Variants in SLC17A5 observed in about 807,000 individuals in gnomAD.
SLC17A5 encodes the protein solute carrier family 17 member 5.
A neutral mutation model predicts 59.4 loss-of-function variants in SLC17A5; 47 were observed. The observed-to-expected ratio is 0.79, with a 90% CI of 0.63 to 1.01. The LOEUF is 1.01. Among genes scored for constraint, SLC17A5 ranks in the 50% least tolerant of loss-of-function variants. The pLI, the probability that SLC17A5 is intolerant of heterozygous loss-of-function variation, is 0.00. For synonymous variants in SLC17A5, 202 were observed against 210.7 expected (o/e 0.96, Z 0.36); for missense variants, 522 against 595.5 (o/e 0.88, Z 1.28).
At chr6:73,604,563 G>T (rs574048414) in intron 9 of SLC17A5, among the ~76,000 whole-genome samples, 4 of 152,100 alleles carry the variant, frequency 2.6e-5, no homozygotes, top group Non-Finnish European at 4.4e-5. Context: ...GGGCAACATG[G>T]TGAAACCCTC....
intron 7 of SLC17A5, among the ~76,000 whole-genome samples, chr6:73,617,576 G>T (rs952903381): frequency 6.6e-6 from 1 of 152,218 alleles, no homozygotes; most frequent in African/African-American, 2.4e-5. Flanking sequence ...AGGCACGGTG[G>T]CTCATGCCTG....
At chr6:73,630,338 T>C (rs1030619577) in intron 6 of SLC17A5, among the ~76,000 whole-genome samples, 5 of 152,178 alleles carry the variant, frequency 3.3e-5, no homozygotes, top group East Asian at 1.9e-4. Flanking sequence ...GAACTATATA[T>C]GCTATCATAA....
At chr6:73,648,568 C>T (rs1001663771) in intron 1 of SLC17A5, among the ~76,000 whole-genome samples, 3 of 152,212 alleles carry the variant, frequency 2.0e-5, no homozygotes, top group Non-Finnish European at 4.4e-5. Flanking sequence ...AGACCACCAT[C>T]TACCCACTGG....
At chr6:73,653,124 G>GA (rs3839494) in intron 1 of SLC17A5, 70 of 985,174 alleles carry the variant, frequency 7.1e-5, no homozygotes, top group East Asian at 3.4e-4. Context: ...CTGCCAGACG[G>GA]AAAAAAAATG....
chr6:73,653,510 G>A (rs1265348369), intron 1 of SLC17A5: 6 of 637,076 alleles, frequency 9.4e-6, no homozygotes, highest in South Asian at 1.5e-4. Context: ...CCCCGCCCCC[G>A]CCCCCGCCCC....
At chr6:73,626,647 C>T (rs548459251) in intron 6 of SLC17A5, among the ~76,000 whole-genome samples, 1 of 152,316 alleles carries the variant, frequency 6.6e-6, no homozygotes, top group Admixed American at 6.5e-5. Flanking sequence ...TTTATATGCA[C>T]ATTGTCCACA....
At chr6:73,620,393 A>G (rs556407296) in intron 7 of SLC17A5, among the ~76,000 whole-genome samples, 5 of 152,314 alleles carry the variant, frequency 3.3e-5, no homozygotes, top group African/African-American at 4.8e-5. Context: ...GTAGTAGTAG[A>G]TTATAATCAG....
intron 8 of SLC17A5, among the ~76,000 whole-genome samples, chr6:73,614,116 A>T (rs1380422632): frequency 6.6e-6 from 1 of 152,158 alleles, no homozygotes; most frequent in Non-Finnish European, 1.5e-5. Flanking sequence ...AAATTAAAAA[A>T]TTAGCTGGGT....
intron 8 of SLC17A5, 113 bp from the exon 9 acceptor site, chr6:73,610,660 A>G: frequency 8.6e-7 from 1 of 1,160,950 alleles, no homozygotes; most frequent in Non-Finnish European, 1.2e-6. Flanking sequence ...TAGAAACACT[A>G]TATTGCCTGG....
chr6:73,601,489 C>T (rs1401153395), intron 9 of SLC17A5, among the ~76,000 whole-genome samples: 2 of 135,528 alleles, frequency 1.5e-5, no homozygotes, highest in Non-Finnish European at 3.2e-5. Flanking sequence ...CCTGGCCAGC[C>T]GCCCCGTCCG....
At chr6:73,608,683 A>G (rs894273284) in intron 9 of SLC17A5, among the ~76,000 whole-genome samples, 3 of 152,288 alleles carry the variant, frequency 2.0e-5, no homozygotes, top group South Asian at 2.1e-4. Context: ...CTCAATTCCC[A>G]TATCCCTTTG....
intron 1 of SLC17A5, chr6:73,653,226 C>T (rs1212006753): frequency 2.0e-6 from 2 of 985,272 alleles, no homozygotes; most frequent in African/African-American, 1.7e-5. Context: ...AATGTTAACT[C>T]CAGTCCTTTT....
chr6:73,629,508 C>T (rs1054614324), intron 6 of SLC17A5, among the ~76,000 whole-genome samples: 2 of 152,174 alleles, frequency 1.3e-5, no homozygotes, highest in African/African-American at 4.8e-5. Context: ...TGTGGTGGCT[C>T]ACGCTTGTAA....
intron 4 of SLC17A5, among the ~76,000 whole-genome samples, chr6:73,637,563 T>C (rs1769075661): frequency 6.6e-6 from 1 of 152,212 alleles, no homozygotes; most frequent in Non-Finnish European, 1.5e-5. Context: ...GGCTCTTATC[T>C]CTTTCTCTAA....
chr6:73,618,144 G>A (rs9446948), intron 7 of SLC17A5, among the ~76,000 whole-genome samples: 145 of 151,808 alleles, frequency 9.6e-4, no homozygotes, highest in African/African-American at 3.2e-3. Flanking sequence ...GAGGAGAATC[G>A]CTTGAACCCG....
At position 73,595,183 on chromosome 6, in the gene SLC17A5, T is replaced by G. The variant is rs150784569; in HGVS notation, c.1382A>C (p.Tyr461Ser). The G allele has an allele frequency of 7.4e-6, 12 of 1,613,990 alleles. No homozygotes were observed. The highest frequency in any genetic ancestry group is 1.0e-5 in the Non-Finnish European group (12 of 1,180,020). Residue 461 changes from tyrosine to serine, a missense_variant, in exon 11 of 11, where the codon TAT (tyrosine) becomes TCT (serine). Tyr to Ser is a moderately radical substitution (Grantham distance 144). Transcript: ENST00000355773. ...NTVGEWQTVFYIAAAINVFGA... is the reference protein window; with the variant it reads ...NTVGEWQTVFSIAAAINVFGA... The stretch of plus-strand genomic sequence containing the variant: ...AAAAACATTAATAGCAGCAGCAATA[T>G]AGAACACGGTTTGCCATTCTCCAAC...
At position 73,595,100 on chromosome 6, in the gene SLC17A5, CATT is replaced by C. The variant is rs1386427162; in HGVS notation, c.1462_1464del (p.Asn488del). On this transcript the variant is annotated inframe_deletion, in exon 11 of 11. Coordinates refer to ENST00000355773, the MANE Select transcript of SLC17A5 (RefSeq NM_012434.5). Reference sequence around the variant, plus strand: ...CTTCAGTGTCTGTGTCCATGGTGATCATTGAGAGCCCAGTTTTGTACTTCACCT... The same window carrying C: ...CTTCAGTGTCTGTGTCCATGGTGATCGAGAGCCCAGTTTTGTACTTCACCT... 29 of 1,614,114 alleles carry C rather than the reference CATT, an allele frequency of 1.8e-5. No homozygotes were observed. Among genetic ancestry groups the C allele is most frequent in the Middle Eastern group, 1.7e-4 (1 of 6,060 alleles).
chr6:73,609,945 T>C (rs2150086201), intron 9 of SLC17A5, among the ~76,000 whole-genome samples: 1 of 152,262 alleles, frequency 6.6e-6, no homozygotes, highest in South Asian at 2.1e-4. Context: ...CTAGAGATTG[T>C]TGGTGGTGCT....
chr6:73,607,889 G>A (rs979102446), intron 9 of SLC17A5, among the ~76,000 whole-genome samples: 1 of 149,756 alleles, frequency 6.7e-6, no homozygotes, highest in Non-Finnish European at 1.5e-5. Context: ...CGATTCTCCT[G>A]CCTCAGCCTC....
Sources: allele counts gnomAD v4.1 joint callset (sites outside exome capture counted in the v4.1 genomes callset), GRCh38; gene constraint gnomAD v4.1.1; transcripts MANE v1.5; gene names NCBI Gene and HGNC (gene_info 2026-07-23, HGNC 2026-07-21).